Variants in HNF4A observed in about 807,000 individuals in gnomAD.
HNF4A encodes hepatocyte nuclear factor 4 alpha, also known as hepatocyte nuclear factor 4-alpha.
Under a neutral mutation model 52.4 loss-of-function variants are expected in HNF4A, and 15 were observed. That is an observed-to-expected ratio of 0.29 (90% CI 0.19 to 0.44). The LOEUF (loss-of-function observed/expected upper bound fraction) is 0.44, where lower values mean the gene tolerates loss of function less well. Among genes scored for constraint, HNF4A ranks in the 20% least tolerant of loss-of-function variants. The pLI, the probability that HNF4A is intolerant of heterozygous loss-of-function variation, is 1.00. For missense variants in HNF4A, 479 were observed against 647.2 expected, an observed-to-expected ratio of 0.74 and a Z score of 2.82; for synonymous variants, 280 against 264.4, an observed-to-expected ratio of 1.06 and a Z score of -0.57.
intron 1 of HNF4A, among the ~76,000 whole-genome samples, chr20:44,362,063 A>C (rs1277009122): frequency 6.6e-6 from 1 of 152,262 alleles, no homozygotes; most frequent in South Asian, 2.1e-4. Flanking sequence ...CTTTACTGAA[A>C]GTATCTTGAG....
At chr20:44,401,159 G>C (rs2063402038), upstream of HNF4A, 1 of 1,426,848 alleles carries the variant, frequency 7.0e-7, no homozygotes, top group East Asian at 2.5e-5. Flanking sequence ...CCACCGGCGG[G>C]GGACCGATTA....
At chr20:44,401,789 A>G (rs1318726389) in intron 1 of HNF4A, among the ~76,000 whole-genome samples, 2 of 152,170 alleles carry the variant, frequency 1.3e-5, no homozygotes, top group African/African-American at 2.4e-5. Context: ...CGCTTGGCAC[A>G]GTGACGTGAT....
intron 8 of HNF4A, among the ~76,000 whole-genome samples, chr20:44,426,796 G>A (rs1017450305): frequency 6.6e-6 from 1 of 152,124 alleles, no homozygotes; most frequent in South Asian, 2.1e-4. Flanking sequence ...GACAGAACAA[G>A]GCTCTGTCTC....
At chr20:44,428,576 C>T in intron 9 of HNF4A, 89 bp downstream of exon 9, 1 of 1,302,982 alleles carries the variant, frequency 7.7e-7, no homozygotes, top group Non-Finnish European at 1.1e-6. Context: ...GAAGGTAGAA[C>T]CAGGATGCAA....
At chr20:44,388,846 C>T (rs1408565104) in intron 1 of HNF4A, among the ~76,000 whole-genome samples, 1 of 152,234 alleles carries the variant, frequency 6.6e-6, no homozygotes, top group African/African-American at 2.4e-5. Context: ...TGTCAGGGCT[C>T]CCAGCTGCGG....
Position 44,406,944 on chromosome 20 carries a change from A to G in HNF4A, c.291-437A>G, listed in dbSNP as rs190075560. Among the ~76,000 whole-genome samples the G allele has an allele frequency of 5.3e-5, 8 of 152,210 alleles. No homozygotes were observed. The East Asian group carries it at 1.5e-3, about 29-fold the overall frequency. On this transcript the variant is annotated intron_variant, in intron 2 of 9. Transcript: ENST00000316099. ...AGGGTTAACATTCAGGGCCCCACCC[A>G]TCACCACGGTGTGGCACTGCCTCTA...
chr20:44,409,574 G>A (rs1302635777), intron 3 of HNF4A, among the ~76,000 whole-genome samples: 3 of 152,178 alleles, frequency 2.0e-5, no homozygotes, highest in Non-Finnish European at 2.9e-5. Flanking sequence ...CTCCTGAGTG[G>A]ATGGCTACCC....
rs565460600 is a variant in HNF4A at position 44,428,347 on chromosome 20, A to G, written c.1142A>G (p.Asp381Gly). ...TCTCTACCTGCAGGGTCCCCCAGCGATGCACCCCATGCCCACCACCCCCTG... is the reference window on the plus strand; with the variant it reads ...TCTCTACCTGCAGGGTCCCCCAGCGGTGCACCCCATGCCCACCACCCCCTG... Residue 381 changes from aspartate (D) to glycine (G), a missense_variant, in exon 9 of 10, where the codon GAT becomes GGT. Physicochemically the swap from Asp to Gly is moderately conservative, Grantham distance 94. Around this residue, in one of 3 missense-constraint regions of HNF4A, gnomAD observed 389 missense variants for 525.1 expected, o/e 0.74. Coordinates refer to ENST00000316099, the MANE Select transcript of HNF4A (RefSeq NM_000457.6). 1.9e-6 allele frequency: 3 copies of G among 1,614,038 alleles called. No individual in the cohort carries two copies. In the East Asian group the frequency reaches 6.7e-5, roughly 36 times the overall value.
intron 8 of HNF4A, chr20:44,424,631 G>A: frequency 1.4e-6 from 2 of 1,393,954 alleles, no homozygotes; most frequent in Admixed American, 2.9e-5. Flanking sequence ...AAATAAACAG[G>A]TAATATGATA....
chr20:44,388,425 G>A (rs1007935054), intron 1 of HNF4A, among the ~76,000 whole-genome samples: 7 of 139,598 alleles, frequency 5.0e-5, no homozygotes, highest in Non-Finnish European at 1.0e-4. Context: ...AAGTTTAGTA[G>A]GTGGTGGAAG....
At chr20:44,421,474 C>G (rs1169534491) in intron 7 of HNF4A, among the ~76,000 whole-genome samples, 1 of 152,096 alleles carries the variant, frequency 6.6e-6, no homozygotes, top group Non-Finnish European at 1.5e-5. Context: ...AATGAAAAGG[C>G]TGGGTGTGGT....
At chr20:44,367,275 C>T (rs376045798) in intron 1 of HNF4A, among the ~76,000 whole-genome samples, 1 of 147,400 alleles carries the variant, frequency 6.8e-6, no homozygotes, top group African/African-American at 2.5e-5. Context: ...GCGGAGGTTG[C>T]GGTGAGCCGA....
intron 7 of HNF4A, among the ~76,000 whole-genome samples, chr20:44,421,346 A>G (rs1248291828): frequency 2.6e-5 from 4 of 152,130 alleles, no homozygotes; most frequent in Non-Finnish European, 5.9e-5. Context: ...TCCCAGCATC[A>G]AAGGTGCCTG....
chr20:44,424,377 T>C, intron 8 of HNF4A, 123 bp downstream of exon 8: 1 of 1,497,740 alleles, frequency 6.7e-7, no homozygotes, highest in Non-Finnish European at 9.1e-7. Context: ...GCAAGTTGCT[T>C]AACCTGTCTG....
chr20:44,401,070 CCAG>C (rs2063400854), upstream of HNF4A, among the ~76,000 whole-genome samples: 2 of 152,050 alleles, frequency 1.3e-5, no homozygotes, highest in African/African-American at 4.8e-5. Flanking sequence ...AGTTAGGGCC[CCAG>C]CAGTTGTAAT....
At chr20:44,428,193 A>G in intron 8 of HNF4A, 142 bp from the exon 9 acceptor site, 1 of 824,864 alleles carries the variant, frequency 1.2e-6, no homozygotes, top group East Asian at 2.6e-5. Flanking sequence ...ACCCTAGTTT[A>G]CTAACCCAGG....
intron 9 of HNF4A, 89 bp from the exon 10 acceptor site, chr20:44,429,434 G>A: frequency 1.4e-6 from 2 of 1,432,332 alleles, no homozygotes; most frequent in South Asian, 1.2e-5. Context: ...GGGGCAGGGT[G>A]GGAGGGGAGA....
intron 1 of HNF4A, among the ~76,000 whole-genome samples, chr20:44,404,069 G>A (rs6124639): frequency 5.9e-5 from 9 of 152,318 alleles, no homozygotes; most frequent in South Asian, 2.1e-4. Context: ...GGGAGTCTGC[G>A]ATGGCAGAAA....
chr20:44,433,380 G>GTT (rs11471717), downstream of HNF4A: 595 of 154,596 alleles, frequency 3.8e-3, 6 homozygotes, highest in African/African-American at 0.014. Flanking sequence ...TTTGTTTTTT[G>GTT]TTTTTTTTTC....
Sources: gnomAD v4.1 joint callset for allele counts (sites outside exome capture counted in the v4.1 genomes callset) on GRCh38, gnomAD v4.1.1 for gene constraint, gnomAD v4.1.1 regional missense constraint, MANE v1.5 for transcripts, NCBI Gene and HGNC (gene_info 2026-07-23, HGNC 2026-07-21) for gene names.